CAMTA1: variants seen among roughly 807,000 people sequenced by gnomAD.
CAMTA1 encodes the protein calmodulin-binding transcription activator 1.
CAMTA1 carries 27 observed loss-of-function variants against 170.9 expected under a neutral mutation model. The ratio of observed to expected loss-of-function variants is 0.16; its 90% CI spans 0.12 to 0.22. The LOEUF (loss-of-function observed/expected upper bound fraction) is 0.22. Among genes scored for constraint, CAMTA1 ranks in the 10% least tolerant of loss-of-function variants. The probability of loss-of-function intolerance (pLI) is 1.00; values close to 1 mark genes in which losing one functional copy is unlikely to be tolerated. For missense variants in CAMTA1, 1,619 were observed against 2,217.2 expected (o/e 0.73, Z 5.42); for synonymous variants, 833 against 891.5 (o/e 0.93, Z 1.17).
intron 5 of CAMTA1, among the ~76,000 whole-genome samples, chr1:7,422,928 A>C (rs142970619): frequency 1.3e-5 from 2 of 152,370 alleles, no homozygotes; most frequent in East Asian, 1.9e-4. Context: ...TTGAAACTGC[A>C]ATGAACACCT....
intron 3 of CAMTA1, among the ~76,000 whole-genome samples, chr1:7,073,580 A>G (rs758943851): frequency 2.0e-5 from 3 of 152,180 alleles, no homozygotes; most frequent in Non-Finnish European, 4.4e-5. Context: ...GAGAAAGCAG[A>G]AGGTCAAGAG....
Position 7,634,706 on chromosome 1 carries a change from G to A in CAMTA1, c.511-5694G>A, listed in dbSNP as rs543745722. ...GGCTGGGGCTGCCGGAGGAGGAAGG[G>A]GGCTCTAAGCAGCAGAAGTGCCCGC... On this transcript the variant is annotated intron_variant, in intron 6 of 22. Coordinates refer to ENST00000303635, the MANE Select transcript of CAMTA1 (RefSeq NM_015215.4). The surrounding 1 kb of genome is among the most constrained non-coding windows in gnomAD (Gnocchi z 6.2). Among the ~76,000 whole-genome samples, 130 of 152,220 alleles carry A rather than the reference G, an allele frequency of 8.5e-4. 1 individual carries two copies. The highest frequency in any genetic ancestry group is 3.0e-3 in the African/African-American group (123 of 41,532).
At chr1:7,729,124 CTTT>C (rs1199701791) in intron 11 of CAMTA1, among the ~76,000 whole-genome samples, 20 of 120,212 alleles carry the variant, frequency 1.7e-4, no homozygotes, top group Non-Finnish European at 3.3e-4. Context: ...CTTTTTTTTT[CTTT>C]TTTTTTTGAG....
At chr1:7,213,314 T>C in intron 4 of CAMTA1, among the ~76,000 whole-genome samples, 1 of 152,228 alleles carries the variant, frequency 6.6e-6, no homozygotes, top group East Asian at 1.9e-4. Flanking sequence ...GACAGGTGTG[T>C]AATGTTATCT....
At chr1:6,798,187 C>T (rs1557568720) in intron 1 of CAMTA1, among the ~76,000 whole-genome samples, 1 of 151,812 alleles carries the variant, frequency 6.6e-6, no homozygotes, top group Non-Finnish European at 1.5e-5. Flanking sequence ...GTTGAGACAC[C>T]ATGTTGGCCA....
intron 7 of CAMTA1, among the ~76,000 whole-genome samples, chr1:7,654,418 A>G (rs114921318): frequency 0.013 from 1,973 of 151,926 alleles, 35 homozygotes; most frequent in African/African-American, 0.044. Context: ...ATAAAGTGGT[A>G]GAGGAGAGAG....
intron 3 of CAMTA1, among the ~76,000 whole-genome samples, chr1:7,036,264 A>G (rs1278300018): frequency 6.6e-6 from 1 of 152,232 alleles, no homozygotes; most frequent in Admixed American, 6.5e-5. Flanking sequence ...GGTTTTGGAA[A>G]GCTTGAAGTC....
rs867928831 is a variant in CAMTA1, at chr1:7,293,410, C to T, written c.438+43784C>T. 6.6e-6 allele frequency among the ~76,000 whole-genome samples: 1 copy of T among 152,030 alleles called. No homozygotes were observed. Among genetic ancestry groups the T allele is most frequent in the East Asian group, 1.9e-4 (1 of 5,186 alleles). On this transcript the variant is annotated intron_variant, in intron 5 of 22. Coordinates refer to ENST00000303635, the MANE Select transcript of CAMTA1 (RefSeq NM_015215.4). This position sits in a 1 kb window ranked among gnomAD's most constrained non-coding sequence, Gnocchi z 4.1. ...TCGGTGTGAGCAAAGCCCATTTGGT[C>T]GTTTGTCAGTGAAGACAGAAGAGTC... is the stretch of plus-strand genomic sequence containing the variant.
intron 5 of CAMTA1, among the ~76,000 whole-genome samples, chr1:7,331,663 C>T (rs905357237): frequency 1.3e-5 from 2 of 152,140 alleles, no homozygotes; most frequent in Non-Finnish European, 2.9e-5. Flanking sequence ...AGAACCTCTG[C>T]CCTTGGCACC....
chr1:7,488,871 T>C (rs1033193614), intron 6 of CAMTA1, among the ~76,000 whole-genome samples: 1 of 151,968 alleles, frequency 6.6e-6, no homozygotes, highest in Non-Finnish European at 1.5e-5. Context: ...ATACACACAA[T>C]ACACATTGCA....
Position 7,224,356 on chromosome 1 carries a change from G to A in CAMTA1, c.303-25135G>A, listed in dbSNP as rs1403927347. 2.0e-5 allele frequency among the ~76,000 whole-genome samples: 3 copies of A among 152,094 alleles called. No homozygotes were observed. The highest frequency in any genetic ancestry group is 4.4e-5 in the Non-Finnish European group (3 of 68,018). ...AATTTGCACCGCTCTGCAGGCTCTC[G>A]TCCCAGTTGGCAAGGGCGCCACAGC... On this transcript the variant is annotated intron_variant, in intron 4 of 22. Coordinates refer to ENST00000303635, the MANE Select transcript of CAMTA1 (RefSeq NM_015215.4). This position sits in a 1 kb window ranked among gnomAD's most constrained non-coding sequence, Gnocchi z 5.2.
chr1:7,114,061 T>G (rs1478153792), intron 4 of CAMTA1, among the ~76,000 whole-genome samples: 2 of 152,192 alleles, frequency 1.3e-5, no homozygotes, highest in Non-Finnish European at 2.9e-5. Context: ...TCCTCTCTCC[T>G]TGGACTTTGG....
intron 6 of CAMTA1, among the ~76,000 whole-genome samples, chr1:7,581,018 A>T (rs2095256308): frequency 6.6e-6 from 1 of 152,252 alleles, no homozygotes; most frequent in Admixed American, 6.5e-5. Flanking sequence ...CACCACACAT[A>T]CGTGGTTTTT....
At chr1:7,595,138 G>C (rs376601840) in intron 6 of CAMTA1, among the ~76,000 whole-genome samples, 18 of 152,232 alleles carry the variant, frequency 1.2e-4, no homozygotes, top group African/African-American at 3.9e-4. Flanking sequence ...AGGGGTCCTG[G>C]GTGGATCTCT....
rs773388145 is a variant in CAMTA1 at position 7,768,548 on chromosome 1, T to A, written c.*2057T>A. On this transcript the variant is annotated 3_prime_UTR_variant, in exon 23 of 23. Coordinates refer to ENST00000303635, the MANE Select transcript of CAMTA1 (RefSeq NM_015215.4). ...GGAAGGAAGGTAGATACAAAAAGAT[T>A]GTGGTAAAAACTGGGGTCAGTGCTC... The A allele has an allele frequency of 6.5e-6, 1 of 152,764 alleles. No individual in the cohort carries two copies. The highest frequency in any genetic ancestry group is 1.5e-5 in the Non-Finnish European group (1 of 68,036). 9.5% of individuals were successfully genotyped at this position (152,764 alleles called of 1,614,324 possible). A position where few individuals can be genotyped will look rare whatever the true frequency, so the allele number is the denominator to read the frequency against.
chr1:6,841,582 T>C (rs1301944587), intron 3 of CAMTA1, among the ~76,000 whole-genome samples: 4 of 152,140 alleles, frequency 2.6e-5, no homozygotes, highest in Admixed American at 2.6e-4. Flanking sequence ...GTGGCAGTTT[T>C]GCTTTGAAGG....
At chr1:7,528,432 A>T (rs78721688) in intron 6 of CAMTA1, among the ~76,000 whole-genome samples, 8,958 of 147,580 alleles carry the variant, frequency 0.061, 532 homozygotes, top group African/African-American at 0.16. Flanking sequence ...TTGGTTTTTT[A>T]AAAAAAAAAA....
At chr1:6,879,191 T>A (rs1670770047) in intron 3 of CAMTA1, among the ~76,000 whole-genome samples, 1 of 152,228 alleles carries the variant, frequency 6.6e-6, no homozygotes, top group African/African-American at 2.4e-5. Context: ...GTATTTTATC[T>A]TAATACCATC....
chr1:7,231,669 G>C (rs374282375), intron 4 of CAMTA1, among the ~76,000 whole-genome samples: 1 of 152,052 alleles, frequency 6.6e-6, no homozygotes. Context: ...CACTGCACCC[G>C]GCCGAGATTT....
Sources: gnomAD v4.1 joint callset for allele counts (sites outside exome capture counted in the v4.1 genomes callset) on GRCh38, gnomAD v4.1.1 for gene constraint, Gnocchi (gnomAD v3.1) non-coding constraint, MANE v1.5 for transcripts, NCBI Gene and HGNC (gene_info 2026-07-23, HGNC 2026-07-21) for gene names.